The following GSE1 variants were observed in gnomAD, a reference collection of about 807,000 sequenced individuals.
GSE1 encodes genetic suppressor element 1.
A neutral mutation model predicts 112.6 loss-of-function variants in GSE1; 32 were observed. The observed-to-expected ratio is 0.28, with a 90% confidence interval of 0.21 to 0.38. The LOEUF is 0.38. Among genes scored for constraint, GSE1 ranks in the 10% least tolerant of loss-of-function variants. The probability of loss-of-function intolerance (pLI) is 1.00; values close to 1 mark genes in which losing one functional copy is unlikely to be tolerated. For synonymous variants in GSE1, 1,115 were observed against 735.6 expected, an observed-to-expected ratio of 1.52 and a Z score of -8.35; for missense variants, 2,348 against 1,699.2, an observed-to-expected ratio of 1.38 and a Z score of -6.71.
intron 2 of GSE1, among the ~76,000 whole-genome samples, chr16:85,394,405 G>C (rs531837496): frequency 6.6e-6 from 1 of 152,150 alleles, no homozygotes; most frequent in Admixed American, 6.5e-5. Flanking sequence ...CGGGGAGGTC[G>C]GGGGCTTGCT....
Position 85,226,966 on chromosome 16 carries a change from C to T in GSE1, c.2283+55159C>T, listed in dbSNP as rs553460881. On this transcript the variant is annotated intron_variant, in intron 1 of 2. Transcript: ENST00000637419. ...AAGTCAGTCAGGTAGCGGCCATCCC[C>T]ACACCTAGGGCCCACCTGCCCATCC... Among the ~76,000 whole-genome samples, 11 of 152,224 alleles carry T rather than the reference C, an allele frequency of 7.2e-5. No homozygotes were observed. In the South Asian group the frequency reaches 1.0e-3, roughly 14 times the overall value.
intron 2 of GSE1, among the ~76,000 whole-genome samples, chr16:85,407,898 GCC>G (rs1347392797): frequency 8.1e-5 from 3 of 37,118 alleles, no homozygotes; most frequent in Admixed American, 2.3e-4. Flanking sequence ...TACACTCAGG[GCC>G]CCCCTGGATA....
intron 2 of GSE1, among the ~76,000 whole-genome samples, chr16:85,415,732 C>T (rs886099102): frequency 2.6e-5 from 4 of 152,254 alleles, no homozygotes; most frequent in African/African-American, 4.8e-5. Flanking sequence ...CAGAAACTTA[C>T]GGCTTGTTCC....
rs924126720 is a variant in GSE1, at chr16:85,665,165, A to G, written c.2758+37A>G. The G allele has an allele frequency of 3.1e-6, 4 of 1,277,996 alleles. No individual in the cohort carries two copies. In the African/African-American group the frequency reaches 5.8e-5, roughly 19 times the overall value. 79.2% of individuals were successfully genotyped at this position (1,277,996 alleles called of 1,614,324 possible). On this transcript the variant is annotated intron_variant, in intron 12 of 15. Coordinates refer to ENST00000253458, the MANE Select transcript of GSE1 (RefSeq NM_014615.5). ...ATAGCCCCACCTGCCACCACCCAGG[A>G]CCATCCCATGGGCTGCCCAGGCTCA...
At chr16:85,208,977 T>C (rs1221498976) in intron 1 of GSE1, among the ~76,000 whole-genome samples, 1 of 150,876 alleles carries the variant, frequency 6.6e-6, no homozygotes, top group Admixed American at 6.6e-5. Context: ...TGTTGGGGTT[T>C]GCCACTTGTT....
rs1017658743 is a variant in GSE1, at chr16:85,463,026, A to G, written c.2464+105383A>G. 131 of 904,174 alleles carry G rather than the reference A, an allele frequency of 1.4e-4. No homozygotes were observed. The Middle Eastern group carries it at 1.7e-3, about 12-fold the overall frequency. The allele number at this position is 904,174 out of a possible 1,614,324, so 56.0% of individuals were successfully genotyped here. Reference sequence around the variant, plus strand: ...CTACTGCTCGCCTCCGCCGCGGGCCATGCTGGGCAGCCCCTCCTAGAGGCC... The same window carrying G: ...CTACTGCTCGCCTCCGCCGCGGGCCGTGCTGGGCAGCCCCTCCTAGAGGCC... On this transcript the variant is annotated intron_variant, in intron 2 of 2. Coordinates refer to the GSE1 transcript ENST00000637419.
At chr16:85,491,220 A>G (rs2051000342) in intron 2 of GSE1, among the ~76,000 whole-genome samples, 1 of 152,146 alleles carries the variant, frequency 6.6e-6, no homozygotes, top group Admixed American at 6.5e-5. Flanking sequence ...ATCAGGCCTC[A>G]ATTCAGGCCT....
At chr16:85,374,100 A>G (rs2047361118) in intron 2 of GSE1, among the ~76,000 whole-genome samples, 1 of 151,824 alleles carries the variant, frequency 6.6e-6, no homozygotes, top group Non-Finnish European at 1.5e-5. Context: ...TGGTGTGTGC[A>G]CGCGTGGCCC....
At chr16:85,287,730 C>T (rs1421430188) in intron 1 of GSE1, among the ~76,000 whole-genome samples, 1 of 152,140 alleles carries the variant, frequency 6.6e-6, no homozygotes, top group Non-Finnish European at 1.5e-5. Context: ...TGCCATTTTC[C>T]TCCTTGGCAT....
At chr16:85,245,558 TG>T (rs1259806928) in intron 1 of GSE1, among the ~76,000 whole-genome samples, 1 of 152,222 alleles carries the variant, frequency 6.6e-6, no homozygotes, top group African/African-American at 2.4e-5. Context: ...CCTCTTTTCT[TG>T]CCCCTTTTGA....
chr16:85,308,367 C>G (rs1213392837), intron 1 of GSE1, among the ~76,000 whole-genome samples: 1 of 152,186 alleles, frequency 6.6e-6, no homozygotes, highest in African/African-American at 2.4e-5. Context: ...ACGCCTTTTA[C>G]TTCTTAAGGC....
At chr16:85,260,004 G>T (rs554533637) in intron 1 of GSE1, among the ~76,000 whole-genome samples, 46 of 152,232 alleles carry the variant, frequency 3.0e-4, no homozygotes, top group Non-Finnish European at 5.7e-4. Context: ...AAGGCTCAGG[G>T]CTCCATCTGG....
chr16:85,279,182 T>C (rs1165951070), intron 1 of GSE1: 1 of 152,062 alleles, frequency 6.6e-6, no homozygotes, highest in Non-Finnish European at 1.5e-5. Flanking sequence ...GATAAAATAG[T>C]GGGGAGGGGG....
intron 1 of GSE1, among the ~76,000 whole-genome samples, chr16:85,332,370 G>A (rs1158741048): frequency 6.6e-6 from 1 of 152,166 alleles, no homozygotes; most frequent in African/African-American, 2.4e-5. Flanking sequence ...AGCATGCACT[G>A]CAGGTGCTTT....
chr16:85,652,779 A>C (rs1386632756), intron 3 of GSE1, among the ~76,000 whole-genome samples: 2 of 152,132 alleles, frequency 1.3e-5, no homozygotes, highest in Non-Finnish European at 2.9e-5. Context: ...ACGGTGGGGC[A>C]GGTCTCAGAG....
At chr16:85,398,367 C>A (rs776019211) in intron 2 of GSE1, among the ~76,000 whole-genome samples, 1 of 152,146 alleles carries the variant, frequency 6.6e-6, no homozygotes, top group South Asian at 2.1e-4. Flanking sequence ...AGAGCCCAGT[C>A]CCTCCTGAGC....
chr16:85,441,002 C>T (rs1481861216), intron 2 of GSE1, among the ~76,000 whole-genome samples: 1 of 152,196 alleles, frequency 6.6e-6, no homozygotes, highest in East Asian at 1.9e-4. Context: ...GGGAGGCCAA[C>T]GCATATGCTG....
At chr16:85,666,956 A>G (rs1371825136) in intron 13 of GSE1, among the ~76,000 whole-genome samples, 3 of 152,256 alleles carry the variant, frequency 2.0e-5, no homozygotes, top group Non-Finnish European at 2.9e-5. Context: ...AATCCATGCA[A>G]ATCAAGTCAA....
chr16:85,496,883 T>G (rs1340310380), intron 2 of GSE1, among the ~76,000 whole-genome samples: 16 of 149,212 alleles, frequency 1.1e-4, no homozygotes, highest in African/African-American at 4.0e-4. Context: ...ACGTGCCCCC[T>G]TTTGGTCTGG....
Sources: gnomAD v4.1 joint callset for allele counts (sites outside exome capture counted in the v4.1 genomes callset) on GRCh38, gnomAD v4.1.1 for gene constraint, MANE v1.5 for transcripts, NCBI Gene and HGNC (gene_info 2026-07-23, HGNC 2026-07-21) for gene names.